MMP21: variants seen among roughly 807,000 people sequenced by gnomAD.
The protein encoded by MMP21 is matrix metalloproteinase-21.
MMP21 carries 40 observed loss-of-function variants against 47.8 expected under a neutral mutation model. The ratio of observed to expected loss-of-function variants is 0.84; its 90% confidence interval spans 0.65 to 1.09. The LOEUF is 1.09. MMP21 is among the 50% of genes least tolerant of loss of function. The pLI is 0.00. For missense variants in MMP21, 747 were observed against 775.3 expected (o/e 0.96, Z 0.43); for synonymous variants, 341 against 318.0 (o/e 1.07, Z -0.77).
rs375108680 is a variant in MMP21 at position 125,773,848 on chromosome 10, T to C, written c.680A>G (p.Lys227Arg). Residue 227 changes from lysine (K) to arginine (R), a missense_variant, in exon 2 of 7, where the codon AAG (lysine) becomes AGG (arginine). By Grantham distance (26) the Lys-to-Arg change is conservative. Coordinates refer to ENST00000368808, the MANE Select transcript of MMP21 (RefSeq NM_147191.1). This position sits in a 1 kb window ranked among gnomAD's most constrained non-coding sequence, Gnocchi z 4.8. ...LAAPGAAVDI[K>R]LGFGRGRHLG... Reference sequence around the variant, plus strand: ...GCTCTTACCTCTCCCAAAGCCCAGCTTGATGTCGACCGCGGCCCCGGGGGC... The same window carrying C: ...GCTCTTACCTCTCCCAAAGCCCAGCCTGATGTCGACCGCGGCCCCGGGGGC... The C allele has an allele frequency of 4.0e-5, 62 of 1,561,020 alleles. No homozygotes were observed. In the African/African-American group the frequency reaches 4.9e-4, roughly 12 times the overall value.
rs1850400592 is a variant in MMP21 at position 125,767,626 on chromosome 10, A to T, written c.1316T>A (p.Leu439Ter). Reference protein sequence around the residue: ...EDEQGKSYPKLISEGFPGIPS... With the variant: ...EDEQGKSYPK ...GATGCCAGGAAATCCTTCTGAAATC[A>T]ATTTGGGATAGCTTTTTCCTTGTTC... Residue 439 changes from leucine to a stop codon, truncating the protein, a stop_gained, in exon 6 of 7, where the codon TTG (leucine) becomes TAG (stop). Coordinates refer to ENST00000368808, the MANE Select transcript of MMP21 (RefSeq NM_147191.1). LOFTEE classifies it high-confidence loss of function. 6.2e-7 allele frequency: 1 copy of T among 1,614,150 alleles called. No homozygotes were observed. The highest frequency in any genetic ancestry group is 1.1e-5 in the South Asian group (1 of 91,086).
In MMP21 at chr10:125,774,103, G is replaced by C. The variant is rs749441706; in HGVS notation, c.425C>G (p.Ser142Cys). ...CAGCGGCGCCCGCGGGGAGCGCCTGGAGCGGGCTCTGGGGGGCGGGCCCGG... is the reference window on the plus strand; with the variant it reads ...CAGCGGCGCCCGCGGGGAGCGCCTGCAGCGGGCTCTGGGGGGCGGGCCCGG... ...SPPGPPPRAR[S>C]RRSPRAPLSL... The change falls in exon 2 of 7, where the codon TCC (serine) becomes TGC (cysteine). Residue 142 changes from serine to cysteine, a missense_variant. By Grantham distance (112) the Ser-to-Cys change is moderately radical. Transcript: ENST00000368808. The C allele has an allele frequency of 6.0e-6, 8 of 1,344,032 alleles. No individual in the cohort carries two copies. The Admixed American group carries it at 2.8e-4, about 47-fold the overall frequency. The allele number at this position is 1,344,032 out of a possible 1,614,324, so 83.3% of individuals were successfully genotyped here.
rs778483947 is a variant in MMP21, at chr10:125,772,336, A to G, written c.861T>C (p.His287=). Residue 287 remains histidine, a synonymous_variant, in exon 4 of 7, where the codon CAT becomes CAC. Transcript: ENST00000368808. The surrounding 1 kb of genome is among the most constrained non-coding windows in gnomAD (Gnocchi z 5.6). ...TGTAGGTGTGAGGCAAGCCCAGGAC[A>G]TGGCCAATTTCATGGACGGCCACCT... ...LLKVAVHEIG[H]VLGLPHTYRT... is the part of the protein sequence containing the mutation. 4 of 1,613,848 alleles carry G rather than the reference A, an allele frequency of 2.5e-6. No individual in the cohort carries two copies. The South Asian group carries it at 3.3e-5, about 13-fold the overall frequency.
chr10:125,770,695 T>C, intron 4 of MMP21, 104 bp from the exon 5 acceptor site: 3 of 1,299,410 alleles, frequency 2.3e-6, no homozygotes, highest in Non-Finnish European at 3.1e-6. Context: ...TGGGGCTTTC[T>C]ATAAAAACAC....
chr10:125,773,859 C>T lies in MMP21; in HGVS notation c.669G>A (p.Ala223=), dbSNP rs150959910. 24 of 1,566,540 alleles carry T rather than the reference C, an allele frequency of 1.5e-5. No individual in the cohort carries two copies. The African/African-American group carries it at 1.8e-4, about 12-fold the overall frequency. ...FREDLAAPGA[A]VDIKLGFGRG... The stretch of plus-strand genomic sequence containing the variant: ...TCCCAAAGCCCAGCTTGATGTCGAC[C>T]GCGGCCCCGGGGGCGGCCAGGTCCT... The change falls in exon 2 of 7, where the codon GCG becomes GCA. Residue 223 remains alanine (A), a synonymous_variant. Transcript: ENST00000368808. The surrounding 1 kb of genome is among the most constrained non-coding windows in gnomAD (Gnocchi z 4.8).
In MMP21 at chr10:125,774,280, G is replaced by A. The variant is rs1162675477; in HGVS notation, c.248C>T (p.Ala83Val). ...PEGPPETPKG[A>V]ALAEAVRRFQ... ...CCTGCGCACCGCCTCGGCCAGGGCG[G>A]CGCCCTTGGGGGTCTCCGGCGGCCC... Residue 83 changes from alanine to valine, a missense_variant, in exon 2 of 7, where the codon GCC becomes GTC. By Grantham distance (64) the Ala-to-Val change is moderately conservative. Transcript: ENST00000368808. The A allele has an allele frequency of 2.1e-6, 3 of 1,416,930 alleles. No individual in the cohort carries two copies. Among genetic ancestry groups the A allele is most frequent in the Non-Finnish European group, 2.7e-6 (3 of 1,093,486 alleles). 87.8% of individuals were successfully genotyped at this position (1,416,930 alleles called of 1,614,324 possible). A position where few individuals can be genotyped will look rare whatever the true frequency, so the allele number is the denominator to read the frequency against.
chr10:125,773,898 C>G lies in MMP21; in HGVS notation c.630G>C (p.Pro210=). 1 of 1,580,148 alleles carries G rather than the reference C, an allele frequency of 6.3e-7. No homozygotes were observed. The highest frequency in any genetic ancestry group is 1.1e-5 in the South Asian group (1 of 89,212). Residue 210 remains proline (P), a synonymous_variant, in exon 2 of 7, where the codon CCG becomes CCC. Coordinates refer to ENST00000368808, the MANE Select transcript of MMP21 (RefSeq NM_147191.1). The surrounding 1 kb of genome is among the most constrained non-coding windows in gnomAD (Gnocchi z 4.8). ...LAFRMWSEVT[P]LDFREDLAAP... Reference sequence around the variant, plus strand: ...CGGCCAGGTCCTCGCGGAAGTCCAGCGGCGTCACCTCGCTCCACATCCTGA... The same window carrying G: ...CGGCCAGGTCCTCGCGGAAGTCCAGGGGCGTCACCTCGCTCCACATCCTGA...
At position 125,774,320 on chromosome 10, in the gene MMP21, C is replaced by T; in HGVS notation, c.208G>A (p.Gly70Arg). ...YGWSGVWAAW[G>R]PSPEGPPETP... Reference sequence around the variant, plus strand: ...TCCGGCGGCCCCTCGGGACTGGGCCCCCAGGCCGCCCACACCCCTGACCAG... The same window carrying T: ...TCCGGCGGCCCCTCGGGACTGGGCCTCCAGGCCGCCCACACCCCTGACCAG... Residue 70 changes from glycine to arginine, a missense_variant, in exon 2 of 7, where the codon GGG becomes AGG. Transcript: ENST00000368808. 1 of 1,412,122 alleles carries T rather than the reference C, an allele frequency of 7.1e-7. No homozygotes were observed. Among genetic ancestry groups the T allele is most frequent in the Non-Finnish European group, 9.2e-7 (1 of 1,091,214 alleles). 87.5% of individuals were successfully genotyped at this position (1,412,122 alleles called of 1,614,324 possible).
In MMP21 at chr10:125,772,716, C is replaced by A; in HGVS notation, c.732G>T (p.Gly244=). 6.2e-7 allele frequency: 1 copy of A among 1,614,124 alleles called. No homozygotes were observed. The highest frequency in any genetic ancestry group is 8.5e-7 in the Non-Finnish European group (1 of 1,180,012). ...RHLGCPRAFD[G]SGQEFAHAWR... ...AGGCGTGTGCAAACTCCTGCCCGCTCCCATCGAAGGCCCGCGGACAGCCCA... is the reference window on the plus strand; with the variant it reads ...AGGCGTGTGCAAACTCCTGCCCGCTACCATCGAAGGCCCGCGGACAGCCCA... Residue 244 remains glycine, a synonymous_variant, in exon 3 of 7, where the codon GGG becomes GGT. Transcript: ENST00000368808. This position sits in a 1 kb window ranked among gnomAD's most constrained non-coding sequence, Gnocchi z 5.6.
rs1176673600 is a variant in MMP21 at position 125,774,305 on chromosome 10, C to T, written c.223G>A (p.Gly75Arg). Reference protein sequence around the residue: ...VWAAWGPSPEGPPETPKGAAL... With the variant: ...VWAAWGPSPERPPETPKGAAL... The stretch of plus-strand genomic sequence containing the variant: ...GCGCCCTTGGGGGTCTCCGGCGGCC[C>T]CTCGGGACTGGGCCCCCAGGCCGCC... The change falls in exon 2 of 7, where the codon GGG (glycine) becomes AGG (arginine). Residue 75 changes from glycine to arginine, a missense_variant. Coordinates refer to ENST00000368808, the MANE Select transcript of MMP21 (RefSeq NM_147191.1). The T allele has an allele frequency of 9.2e-6, 13 of 1,417,792 alleles. No homozygotes were observed. Among genetic ancestry groups the T allele is most frequent in the East Asian group, 3.0e-5 (1 of 33,328 alleles). The allele number at this position is 1,417,792 out of a possible 1,614,324, so 87.8% of individuals were successfully genotyped here.
chr10:125,767,870 T>TC (rs1378985502), intron 5 of MMP21, among the ~76,000 whole-genome samples, 166 bp from the exon 6 acceptor site: 2 of 152,140 alleles, frequency 1.3e-5, no homozygotes, highest in African/African-American at 4.8e-5. Flanking sequence ...CTCCGCCATT[T>TC]CCCCGCGTCT....
At chr10:125,769,273 C>T (rs1222795941) in intron 5 of MMP21, among the ~76,000 whole-genome samples, 1 of 152,184 alleles carries the variant, frequency 6.6e-6, no homozygotes, top group Non-Finnish European at 1.5e-5. Flanking sequence ...CCCATGACCC[C>T]CCAGGCTCCA....
Position 125,766,969 on chromosome 10 carries a change from G to A in MMP21, c.1411-8C>T. 1 of 1,565,474 alleles carries A rather than the reference G, an allele frequency of 6.4e-7. No individual in the cohort carries two copies. Among genetic ancestry groups the A allele is most frequent in the Non-Finnish European group, 8.6e-7 (1 of 1,160,796 alleles). On this transcript the variant is annotated splice_polypyrimidine_tract_variant and splice_region_variant and intron_variant, in intron 6 of 6. Transcript: ENST00000368808. ...GACATCAAATGCAAATACCTGCAAA[G>A]CAAATAAGATAGACTGGCTCTTCTG...
rs1850476005 is a variant in MMP21, at chr10:125,773,434, A to C, written c.697+397T>G. ...AAACACTTCTGTTGCTAGACGTCCA[A>C]GGTATTTTGTCCCGCATTTGTCCAA... On this transcript the variant is annotated intron_variant, in intron 2 of 6. Transcript: ENST00000368808. The surrounding 1 kb of genome is among the most constrained non-coding windows in gnomAD (Gnocchi z 4.8). Among the ~76,000 whole-genome samples, 1 of 152,004 alleles carries C rather than the reference A, an allele frequency of 6.6e-6. No individual in the cohort carries two copies. Among genetic ancestry groups the C allele is most frequent in the Non-Finnish European group, 1.5e-5 (1 of 68,012 alleles).
chr10:125,767,801 A>G (rs919588487), intron 5 of MMP21, 97 bp from the exon 6 acceptor site: 9 of 1,258,268 alleles, frequency 7.2e-6, no homozygotes, highest in Non-Finnish European at 7.8e-6. Flanking sequence ...AATCCTGTAC[A>G]ATGTGTTGCC....
At chr10:125,767,494 G>A in intron 6 of MMP21, 38 bp downstream of exon 6, 2 of 1,580,792 alleles carry the variant, frequency 1.3e-6, no homozygotes, top group Non-Finnish European at 1.7e-6. Context: ...TATTAGGGAT[G>A]ACAGAAGCAT....
In MMP21 at chr10:125,772,384, T is replaced by TG; in HGVS notation, c.838-26dup. ...CCTAGAAGGGGACACACACCATGGGTGCTGGGTGAAGCCTGGGCGATGGAT... is the reference window on the plus strand; with the variant it reads ...CCTAGAAGGGGACACACACCATGGGTGGCTGGGTGAAGCCTGGGCGATGGAT... On this transcript the variant is annotated intron_variant, in intron 3 of 6. Coordinates refer to ENST00000368808, the MANE Select transcript of MMP21 (RefSeq NM_147191.1). The surrounding 1 kb of genome is among the most constrained non-coding windows in gnomAD (Gnocchi z 5.6). 3.1e-6 allele frequency: 5 copies of TG among 1,613,226 alleles called. No homozygotes were observed. The highest frequency in any genetic ancestry group is 4.2e-6 in the Non-Finnish European group (5 of 1,179,712).
chr10:125,774,311 G>A lies in MMP21; in HGVS notation c.217C>T (p.Pro73Ser), dbSNP rs759096048. 65 of 1,416,156 alleles carry A rather than the reference G, an allele frequency of 4.6e-5. No individual in the cohort carries two copies. The highest frequency in any genetic ancestry group is 5.8e-5 in the Non-Finnish European group (63 of 1,093,410). The allele number at this position is 1,416,156 out of a possible 1,614,324, so 87.7% of individuals were successfully genotyped here. A position where few individuals can be genotyped will look rare whatever the true frequency, so the allele number is the denominator to read the frequency against. ...SGVWAAWGPS[P>S]EGPPETPKGA... is the part of the protein sequence containing the mutation. ...TTGGGGGTCTCCGGCGGCCCCTCGG[G>A]ACTGGGCCCCCAGGCCGCCCACACC... The change falls in exon 2 of 7, where the codon CCC (proline) becomes TCC (serine). Residue 73 changes from proline (P) to serine (S), a missense_variant. By Grantham distance (74) the Pro-to-Ser change is moderately conservative. Coordinates refer to ENST00000368808, the MANE Select transcript of MMP21 (RefSeq NM_147191.1).
In MMP21 at chr10:125,767,722, T is replaced by C; in HGVS notation, c.1238-18A>G. 1 of 1,613,048 alleles carries C rather than the reference T, an allele frequency of 6.2e-7. No individual in the cohort carries two copies. Among genetic ancestry groups the C allele is most frequent in the Non-Finnish European group, 8.5e-7 (1 of 1,179,284 alleles). Reference sequence around the variant, plus strand: ...TTGATTTCCTGAGAGCCAAACAAAATACGTTCATGTGGTTTATTACTATTA... The same window carrying C: ...TTGATTTCCTGAGAGCCAAACAAAACACGTTCATGTGGTTTATTACTATTA... On this transcript the variant is annotated intron_variant, in intron 5 of 6. Coordinates refer to ENST00000368808, the MANE Select transcript of MMP21 (RefSeq NM_147191.1).
Sources: gnomAD v4.1 joint callset for allele counts (sites outside exome capture counted in the v4.1 genomes callset) on GRCh38, gnomAD v4.1.1 for gene constraint, Gnocchi (gnomAD v3.1) non-coding constraint, MANE v1.5 for transcripts, NCBI Gene and HGNC (gene_info 2026-07-23, HGNC 2026-07-21) for gene names.